Variants in VPS41 observed in about 807,000 individuals in gnomAD.
VPS41 encodes VPS41 subunit of HOPS complex.
A neutral mutation model predicts 130.9 loss-of-function variants in VPS41; 85 were observed. The observed-to-expected ratio is 0.65, with a 90% CI of 0.55 to 0.78. VPS41 has a LOEUF of 0.78. Among genes scored for constraint, VPS41 ranks in the 30% least tolerant of loss-of-function variants. VPS41 has a pLI of 0.00. For synonymous variants in VPS41, 335 were observed against 332.9 expected, an observed-to-expected ratio of 1.01 and a Z score of -0.07; for missense variants, 874 against 1,018.7, an observed-to-expected ratio of 0.86 and a Z score of 1.93.
At chr7:38,846,434 C>A (rs1362395241) in intron 4 of VPS41, among the ~76,000 whole-genome samples, 1 of 152,186 alleles carries the variant, frequency 6.6e-6, no homozygotes, top group South Asian at 2.1e-4. Flanking sequence ...AAGATGACAC[C>A]GATAATTTGC....
intron 11 of VPS41, among the ~76,000 whole-genome samples, chr7:38,775,006 G>A (rs1161918472): frequency 6.6e-6 from 1 of 152,144 alleles, no homozygotes; most frequent in Non-Finnish European, 1.5e-5. Flanking sequence ...TGAAAACAGG[G>A]CAATGCAGAG....
At chr7:38,888,722 C>T (rs908590730) in intron 2 of VPS41, among the ~76,000 whole-genome samples, 1 of 152,160 alleles carries the variant, frequency 6.6e-6, no homozygotes, top group Admixed American at 6.5e-5. Flanking sequence ...ACAGAATATA[C>T]ATTCTTCTCA....
chr7:38,858,878 T>C (rs371139978), intron 4 of VPS41, among the ~76,000 whole-genome samples: 3 of 152,084 alleles, frequency 2.0e-5, no homozygotes, highest in African/African-American at 7.2e-5. Flanking sequence ...CTCCTACTTA[T>C]AAAAAAAGAA....
chr7:38,805,010 T>C (rs1159985726), intron 7 of VPS41, among the ~76,000 whole-genome samples: 2 of 152,188 alleles, frequency 1.3e-5, no homozygotes, highest in African/African-American at 2.4e-5. Flanking sequence ...AGCATCAGGG[T>C]AGAGATAACA....
At chr7:38,745,079 CAT>C (rs1277764876) in intron 23 of VPS41, among the ~76,000 whole-genome samples, 5 of 152,142 alleles carry the variant, frequency 3.3e-5, no homozygotes, top group Non-Finnish European at 5.9e-5. Flanking sequence ...AATTGTGACT[CAT>C]GTGGAGGTAG....
At chr7:38,740,098 C>A (rs981401969) in intron 25 of VPS41, among the ~76,000 whole-genome samples, 5 of 152,050 alleles carry the variant, frequency 3.3e-5, no homozygotes, top group Admixed American at 3.3e-4. Flanking sequence ...CGGAGGCTGG[C>A]GAAAAAGAAA....
intron 10 of VPS41, among the ~76,000 whole-genome samples, chr7:38,787,482 T>C (rs1784460986): frequency 6.6e-6 from 1 of 152,200 alleles, no homozygotes; most frequent in African/African-American, 2.4e-5. Flanking sequence ...ATAGAGAATC[T>C]CTTCATGTGT....
intron 1 of VPS41, among the ~76,000 whole-genome samples, chr7:38,904,270 C>T (rs879662809): frequency 6.6e-6 from 1 of 152,180 alleles, no homozygotes; most frequent in Admixed American, 6.5e-5. Context: ...TACTAATAAT[C>T]AGCTAGTGAA....
chr7:38,748,216 C>T (rs563765509), intron 22 of VPS41, among the ~76,000 whole-genome samples: 3 of 152,138 alleles, frequency 2.0e-5, no homozygotes, highest in Admixed American at 2.0e-4. Context: ...AACACATGCG[C>T]GCGCGTGCGC....
At chr7:38,786,965 G>C (rs1391586671) in intron 10 of VPS41, among the ~76,000 whole-genome samples, 1 of 152,058 alleles carries the variant, frequency 6.6e-6, no homozygotes, top group African/African-American at 2.4e-5. Context: ...CCAATTTTCA[G>C]GTCACTGTTT....
In VPS41 at chr7:38,765,616, A is replaced by G. The variant is rs1460238830; in HGVS notation, c.1293T>C (p.Tyr431=). The G allele has an allele frequency of 1.9e-6, 3 of 1,603,194 alleles. No individual in the cohort carries two copies. The highest frequency in any genetic ancestry group is 2.7e-5 in the African/African-American group (2 of 74,360). Residue 431 remains tyrosine, a synonymous_variant, in exon 16 of 29, where the codon TAT becomes TAC. Coordinates refer to ENST00000310301, the MANE Select transcript of VPS41 (RefSeq NM_014396.4). Reference sequence around the variant, plus strand: ...CAATTTCTTTAAATTTATAAACTTCATATTCCCAGAGTGCTGCATTTTTCC... The same window carrying G: ...CAATTTCTTTAAATTTATAAACTTCGTATTCCCAGAGTGCTGCATTTTTCC... ...ILGKNAALWE[Y]EVYKFKEIGQ...
intron 4 of VPS41, among the ~76,000 whole-genome samples, chr7:38,843,577 G>A (rs1043929837): frequency 1.3e-5 from 2 of 152,150 alleles, no homozygotes; most frequent in Admixed American, 6.5e-5. Flanking sequence ...GGCTACTCAG[G>A]AGGCTGAGGC....
At chr7:38,876,150 C>T (rs1419106537) in intron 2 of VPS41, among the ~76,000 whole-genome samples, 4 of 152,132 alleles carry the variant, frequency 2.6e-5, no homozygotes. Flanking sequence ...TTATGCTAAA[C>T]AATTTACAAT....
intron 4 of VPS41, among the ~76,000 whole-genome samples, chr7:38,832,324 T>C (rs1208234151): frequency 6.8e-6 from 1 of 146,224 alleles, no homozygotes; most frequent in African/African-American, 2.5e-5. Flanking sequence ...TCTTTCTTTT[T>C]TTTTTTTTTT....
intron 7 of VPS41, among the ~76,000 whole-genome samples, chr7:38,803,294 G>C (rs996137688): frequency 6.6e-5 from 10 of 152,200 alleles, no homozygotes; most frequent in African/African-American, 2.4e-4. Context: ...CATTGGCCCT[G>C]TTTTAATCAC....
intron 10 of VPS41, among the ~76,000 whole-genome samples, chr7:38,777,283 G>A (rs1488064801): frequency 6.6e-6 from 1 of 152,000 alleles, no homozygotes; most frequent in East Asian, 1.9e-4. Flanking sequence ...AAAAAAAGAT[G>A]CATAAATACA....
At chr7:38,859,878 G>C (rs1216081442) in intron 4 of VPS41, among the ~76,000 whole-genome samples, 2 of 152,154 alleles carry the variant, frequency 1.3e-5, no homozygotes, top group Non-Finnish European at 2.9e-5. Context: ...AATTGCTTTA[G>C]CAATTAAGTT....
intron 2 of VPS41, among the ~76,000 whole-genome samples, chr7:38,873,089 T>C (rs747134361): frequency 4.6e-5 from 7 of 152,216 alleles, no homozygotes; most frequent in Non-Finnish European, 8.8e-5. Context: ...AAGTGAAAAC[T>C]AAATAATTTC....
chr7:38,754,814 A>G, intron 20 of VPS41, 62 bp from the exon 21 acceptor site: 2 of 1,588,232 alleles, frequency 1.3e-6, no homozygotes, highest in Non-Finnish European at 1.7e-6. Flanking sequence ...CTACAAAATT[A>G]TCTGATAAAC....
Sources: gnomAD v4.1 joint callset for allele counts (sites outside exome capture counted in the v4.1 genomes callset) on GRCh38, gnomAD v4.1.1 for gene constraint, MANE v1.5 for transcripts, NCBI Gene and HGNC (gene_info 2026-07-23, HGNC 2026-07-21) for gene names.